Variants in MFSD6 observed in about 807,000 individuals in gnomAD.
MFSD6 encodes major facilitator superfamily domain-containing protein 6.
In MFSD6, 26 loss-of-function variants were observed where a neutral mutation model predicts 56.3. The ratio of observed to expected loss-of-function variants is 0.46; its 90% confidence interval spans 0.34 to 0.64. The LOEUF (loss-of-function observed/expected upper bound fraction) is 0.64, where lower values mean the gene tolerates loss of function less well. Ranked by LOEUF, MFSD6 falls within the 30% of genes least tolerant of loss-of-function variation. MFSD6 has a pLI of 0.01. For synonymous variants in MFSD6, 331 were observed against 366.9 expected (o/e 0.90, Z 1.12); for missense variants, 750 against 986.2 (o/e 0.76, Z 3.21).
At chr2:190,422,925 A>G (rs1348969274) in intron 2 of MFSD6, among the ~76,000 whole-genome samples, 1 of 151,840 alleles carries the variant, frequency 6.6e-6, no homozygotes, top group Non-Finnish European at 1.5e-5. Context: ...TTGTTGTAGA[A>G]TACTGTAGTT....
chr2:190,466,173 T>G (rs1453179379), intron 3 of MFSD6, among the ~76,000 whole-genome samples: 4 of 152,182 alleles, frequency 2.6e-5, no homozygotes, highest in Non-Finnish European at 2.9e-5. Context: ...CCATATGACA[T>G]CATTTTACCT....
rs1689855365 is a variant in MFSD6, at chr2:190,498,808, A to G, written c.2172+1089A>G. ...TCATCCTCATTTTCACAGAAGCCACATAAAATTTTTGATGTGGCGCTTTTT... is the reference window on the plus strand; with the variant it reads ...TCATCCTCATTTTCACAGAAGCCACGTAAAATTTTTGATGTGGCGCTTTTT... On this transcript the variant is annotated intron_variant, in intron 7 of 7. Coordinates refer to ENST00000392328, the MANE Select transcript of MFSD6 (RefSeq NM_017694.4). The surrounding 1 kb of genome is among the most constrained non-coding windows in gnomAD (Gnocchi z 5.9). Among the ~76,000 whole-genome samples the G allele has an allele frequency of 2.0e-5, 3 of 152,182 alleles. No individual in the cohort carries two copies.
chr2:190,488,751 G>C lies in MFSD6; in HGVS notation c.1725G>C (p.Gln575His). The C allele has an allele frequency of 6.2e-7, 1 of 1,610,468 alleles. No individual in the cohort carries two copies. Among genetic ancestry groups the C allele is most frequent in the South Asian group, 1.1e-5 (1 of 90,252 alleles). ...GGACATCTGCTCAGGGCATCCTGCA[G>C]GGCCTTCACCTGGGTTTGGGAAGAG... is the stretch of plus-strand genomic sequence containing the variant. ...ELRTSAQGILQGLHLGLGRGC... is the reference protein window; with the variant it reads ...ELRTSAQGILHGLHLGLGRGC... Residue 575 changes from glutamine to histidine, a missense_variant, in exon 5 of 8, where the codon CAG (glutamine) becomes CAC (histidine). Transcript: ENST00000392328. This position sits in a 1 kb window ranked among gnomAD's most constrained non-coding sequence, Gnocchi z 6.4.
In MFSD6 at chr2:190,451,592, G is replaced by T. The variant is rs1054914419; in HGVS notation, c.1532+14031G>T. ...TAGGGCAAAAGTAAGACAGAGTGAA[G>T]GGTCCTAAGAGTGACTGAGGAGAAG... On this transcript the variant is annotated intron_variant, in intron 3 of 7. Transcript: ENST00000392328. The surrounding 1 kb of genome is among the most constrained non-coding windows in gnomAD (Gnocchi z 5.0). Among the ~76,000 whole-genome samples the T allele has an allele frequency of 2.0e-5, 3 of 152,232 alleles. No individual in the cohort carries two copies. The highest frequency in any genetic ancestry group is 2.9e-5 in the Non-Finnish European group (2 of 68,040).
In MFSD6 at chr2:190,465,715, G is replaced by A. The variant is rs900663926; in HGVS notation, c.1533-4043G>A. Among the ~76,000 whole-genome samples the A allele has an allele frequency of 6.6e-6, 1 of 152,074 alleles. No homozygotes were observed. The highest frequency in any genetic ancestry group is 2.4e-5 in the African/African-American group (1 of 41,414). On this transcript the variant is annotated intron_variant, in intron 3 of 7. Coordinates refer to ENST00000392328, the MANE Select transcript of MFSD6 (RefSeq NM_017694.4). The surrounding 1 kb of genome is among the most constrained non-coding windows in gnomAD (Gnocchi z 4.6). ...GCTTAAAAAACAGAAGTTTATGGCC[G>A]GGCGTGGTGGCTCACGCCTATAATC...
Position 190,417,266 on chromosome 2 carries a change from C to T in MFSD6, c.-54+1853C>T, listed in dbSNP as rs763753552. 6.6e-6 allele frequency among the ~76,000 whole-genome samples: 1 copy of T among 152,204 alleles called. No individual in the cohort carries two copies. Among genetic ancestry groups the T allele is most frequent in the Admixed American group, 6.5e-5 (1 of 15,290 alleles). On this transcript the variant is annotated intron_variant, in intron 2 of 7. Transcript: ENST00000392328. The surrounding 1 kb of genome is among the most constrained non-coding windows in gnomAD (Gnocchi z 5.7). ...CAGGACTTCAGTACTGGATCATTAGCGGTAAGATCAGCACACCAAAATAAA... is the reference window on the plus strand; with the variant it reads ...CAGGACTTCAGTACTGGATCATTAGTGGTAAGATCAGCACACCAAAATAAA...
chr2:190,481,211 G>A (rs1268231306), intron 4 of MFSD6, among the ~76,000 whole-genome samples: 1 of 152,218 alleles, frequency 6.6e-6, no homozygotes, highest in African/African-American at 2.4e-5. Context: ...TTAAAGGTAT[G>A]CCAAAGGCAT....
Position 190,436,737 on chromosome 2 carries a change from T to G in MFSD6, c.708T>G (p.Arg236=). 1 of 1,614,220 alleles carries G rather than the reference T, an allele frequency of 6.2e-7. No homozygotes were observed. Among genetic ancestry groups the G allele is most frequent in the Non-Finnish European group, 8.5e-7 (1 of 1,180,040 alleles). Reference sequence around the variant, plus strand: ...CCCAGACAGGTGAAATTACTAACCGTATGATGGACTTGACTTTGAACTCAA... The same window carrying G: ...CCCAGACAGGTGAAATTACTAACCGGATGATGGACTTGACTTTGAACTCAA... ...LQPQTGEITN[R]MMDLTLNSST... is the part of the protein sequence containing the mutation. The change falls in exon 3 of 8, where the codon CGT becomes CGG. Residue 236 remains arginine, a synonymous_variant. Transcript: ENST00000392328. The surrounding 1 kb of genome is among the most constrained non-coding windows in gnomAD (Gnocchi z 5.3).
chr2:190,482,399 CTTT>C (rs576422479), intron 4 of MFSD6, among the ~76,000 whole-genome samples: 29 of 141,880 alleles, frequency 2.0e-4, no homozygotes, highest in Non-Finnish European at 2.5e-4. Flanking sequence ...GGAAGCTTTC[CTTT>C]TTTTTTTTTT....
rs1315651595 is a variant in MFSD6 at position 190,497,603 on chromosome 2, C to G, written c.2056C>G (p.Pro686Ala). Residue 686 changes from proline (P) to alanine (A), a missense_variant, in exon 7 of 8, where the codon CCA (proline) becomes GCA (alanine). Around this residue, in one of 5 missense-constraint regions of MFSD6, gnomAD observed 172 missense variants for 203.9 expected, o/e 0.84. Coordinates refer to ENST00000392328, the MANE Select transcript of MFSD6 (RefSeq NM_017694.4). The surrounding 1 kb of genome is among the most constrained non-coding windows in gnomAD (Gnocchi z 5.2). Reference sequence around the variant, plus strand: ...GGAAGAACAGGAAGATGTGAACAAACCAGCCTGGGGAGTCAGCTCTTCTCC... The same window carrying G: ...GGAAGAACAGGAAGATGTGAACAAAGCAGCCTGGGGAGTCAGCTCTTCTCC... ...HQEEQEDVNK[P>A]AWGVSSSPWV... 6.2e-7 allele frequency: 1 copy of G among 1,614,056 alleles called. No individual in the cohort carries two copies. The highest frequency in any genetic ancestry group is 1.3e-5 in the African/African-American group (1 of 74,922).
intron 4 of MFSD6, among the ~76,000 whole-genome samples, chr2:190,473,252 T>C (rs1167624397): frequency 1.3e-5 from 2 of 152,154 alleles, no homozygotes; most frequent in African/African-American, 4.8e-5. Context: ...ACCTTAAATA[T>C]AAATGGGCTA....
intron 2 of MFSD6, among the ~76,000 whole-genome samples, chr2:190,421,924 A>G (rs1239304063): frequency 6.6e-6 from 1 of 152,092 alleles, no homozygotes; most frequent in African/African-American, 2.4e-5. Flanking sequence ...CCCACTATAG[A>G]AGAAACCAAG....
chr2:190,432,827 C>A (rs963454378), intron 2 of MFSD6, among the ~76,000 whole-genome samples: 1 of 151,474 alleles, frequency 6.6e-6, no homozygotes, highest in Non-Finnish European at 1.5e-5. Flanking sequence ...CCCCCGCCCC[C>A]CAACACACAC....
Position 190,489,014 on chromosome 2 carries a change from G to A in MFSD6, c.1792+196G>A, listed in dbSNP as rs1689175478. On this transcript the variant is annotated intron_variant, in intron 5 of 7. Coordinates refer to ENST00000392328, the MANE Select transcript of MFSD6 (RefSeq NM_017694.4). The surrounding 1 kb of genome is among the most constrained non-coding windows in gnomAD (Gnocchi z 6.6). ...TACGTTGTTAAGCTGATCTGAGCCA[G>A]CCTGTAACTGTGCACACTCCTCTGA... 6.6e-6 allele frequency among the ~76,000 whole-genome samples: 1 copy of A among 152,180 alleles called. No homozygotes were observed. Among genetic ancestry groups the A allele is most frequent in the South Asian group, 2.1e-4 (1 of 4,832 alleles).
intron 2 of MFSD6, among the ~76,000 whole-genome samples, chr2:190,419,353 A>G (rs1462907358): frequency 1.3e-5 from 2 of 152,236 alleles, no homozygotes; most frequent in African/African-American, 4.8e-5. Context: ...CACATTTCCC[A>G]AAGCCATTGA....
Position 190,436,447 on chromosome 2 carries a change from T to C in MFSD6, c.418T>C (p.Leu140=), listed in dbSNP as rs748782568. 1 of 1,614,184 alleles carries C rather than the reference T, an allele frequency of 6.2e-7. No individual in the cohort carries two copies. The highest frequency in any genetic ancestry group is 8.5e-7 in the Non-Finnish European group (1 of 1,180,028). The part of the protein sequence containing the change: ...KGKIVLLFSL[L]CWVLFNLGIG... Reference sequence around the variant, plus strand: ...CAAAATTGTCCTCCTCTTTTCTCTTTTGTGTTGGGTTTTATTCAACCTGGG... The same window carrying C: ...CAAAATTGTCCTCCTCTTTTCTCTTCTGTGTTGGGTTTTATTCAACCTGGG... The change falls in exon 3 of 8, where the codon TTG becomes CTG. Residue 140 remains leucine, a synonymous_variant. Transcript: ENST00000392328. This position sits in a 1 kb window ranked among gnomAD's most constrained non-coding sequence, Gnocchi z 5.3.
chr2:190,490,020 T>C lies in MFSD6; in HGVS notation c.1891+154T>C, dbSNP rs2125240378. ...GTATCGATGAATTCATGTGGACTAT[T>C]GTTAAAGAGATCCACCTACTATGCA... On this transcript the variant is annotated intron_variant, in intron 6 of 7. Transcript: ENST00000392328. The surrounding 1 kb of genome is among the most constrained non-coding windows in gnomAD (Gnocchi z 4.5). Among the ~76,000 whole-genome samples the C allele has an allele frequency of 6.6e-6, 1 of 152,302 alleles. No individual in the cohort carries two copies. Among genetic ancestry groups the C allele is most frequent in the East Asian group, 1.9e-4 (1 of 5,184 alleles).
intron 2 of MFSD6, among the ~76,000 whole-genome samples, chr2:190,432,694 G>A (rs1203769038): frequency 2.0e-5 from 3 of 152,082 alleles, no homozygotes; most frequent in African/African-American, 7.2e-5. Flanking sequence ...TTGAATTACA[G>A]GCGTGAGCCA....
At chr2:190,444,927 T>A (rs1195365812) in intron 3 of MFSD6, 1 of 789,548 alleles carries the variant, frequency 1.3e-6, no homozygotes, top group Non-Finnish European at 1.5e-6. Context: ...GCACTATGTA[T>A]CTTGGTAAAT....
Sources: gnomAD v4.1 joint callset for allele counts (sites outside exome capture counted in the v4.1 genomes callset) on GRCh38, gnomAD v4.1.1 for gene constraint, gnomAD v4.1.1 regional missense constraint, Gnocchi (gnomAD v3.1) non-coding constraint, MANE v1.5 for transcripts, NCBI Gene and HGNC (gene_info 2026-07-23, HGNC 2026-07-21) for gene names.